Variants in IL6ST observed in about 807,000 individuals in gnomAD.
The protein encoded by IL6ST is interleukin-6 receptor subunit beta.
Under a neutral mutation model 91.3 loss-of-function variants are expected in IL6ST, and 24 were observed. That is an observed-to-expected ratio of 0.26 (90% confidence interval 0.19 to 0.37). The LOEUF is 0.37. IL6ST is among the 10% of genes least tolerant of loss of function. IL6ST has a pLI of 1.00. For missense variants in IL6ST, 914 were observed against 1,078.5 expected (o/e 0.85, Z 2.14); for synonymous variants, 351 against 373.6 (o/e 0.94, Z 0.70).
intron 13 of IL6ST, 46 bp from the exon 14 acceptor site, chr5:55,951,650 T>C: frequency 6.4e-7 from 1 of 1,569,268 alleles, no homozygotes; most frequent in Non-Finnish European, 8.6e-7. Context: ...TCAATGCTTT[T>C]GCTTATTTGG....
intron 1 of IL6ST, among the ~76,000 whole-genome samples, chr5:55,984,330 A>C (rs73122421): frequency 0.034 from 5,108 of 152,258 alleles, 295 homozygotes; most frequent in African/African-American, 0.12. Context: ...TGTTCCCCCC[A>C]AAAAATATGT....
chr5:55,942,784 C>T, intron 15 of IL6ST, 33 bp from the exon 16 acceptor site: 1 of 1,166,432 alleles, frequency 8.6e-7, no homozygotes, highest in Non-Finnish European at 1.3e-6. Flanking sequence ...CTATGTAAAA[C>T]CACACATAAT....
intron 1 of IL6ST, among the ~76,000 whole-genome samples, chr5:55,986,999 C>T (rs1234496522): frequency 1.3e-5 from 2 of 152,140 alleles, no homozygotes; most frequent in Non-Finnish European, 2.9e-5. Context: ...ACTCTCGCCT[C>T]TACAAAAAAT....
chr5:55,939,493 G>A lies in IL6ST; in HGVS notation c.*1589C>T, dbSNP rs1045024394. 8.8e-5 allele frequency: 18 copies of A among 205,138 alleles called. 1 individual carries two copies. Among genetic ancestry groups the A allele is most frequent in the Non-Finnish European group, 1.6e-4 (16 of 100,338 alleles). 12.7% of individuals were successfully genotyped at this position (205,138 alleles called of 1,614,324 possible). A position where few individuals can be genotyped will look rare whatever the true frequency, so the allele number is the denominator to read the frequency against. On this transcript the variant is annotated 3_prime_UTR_variant, in exon 17 of 17. Coordinates refer to ENST00000381298, the MANE Select transcript of IL6ST (RefSeq NM_002184.4). ...TAAAAAGTGTAATTATATTTCCATT[G>A]TAAATGTATACCAAGTTTTCTTAGC... is the stretch of plus-strand genomic sequence containing the variant.
At chr5:55,974,549 A>G (rs1314961196) in intron 3 of IL6ST, among the ~76,000 whole-genome samples, 1 of 152,046 alleles carries the variant, frequency 6.6e-6, no homozygotes, top group Non-Finnish European at 1.5e-5. Context: ...CAGTGGTGCA[A>G]TCTTGGCTCA....
chr5:55,943,369 T>A (rs1035501676), intron 15 of IL6ST, among the ~76,000 whole-genome samples: 5 of 152,166 alleles, frequency 3.3e-5, no homozygotes, highest in African/African-American at 1.2e-4. Context: ...TTAAAAACCT[T>A]CCCACAAAAC....
chr5:55,988,519 C>T (rs967342575), intron 1 of IL6ST, among the ~76,000 whole-genome samples: 1 of 151,888 alleles, frequency 6.6e-6, no homozygotes, highest in Non-Finnish European at 1.5e-5. Context: ...ATAATCCCAG[C>T]ACTTTGGGAG....
chr5:55,960,585 C>T (rs752213423), intron 7 of IL6ST, 24 bp from the exon 8 acceptor site: 4 of 1,593,338 alleles, frequency 2.5e-6, no homozygotes, highest in African/African-American at 2.7e-5. Context: ...AACCAAACAA[C>T]AGAAAACCTC....
rs935977469 is a variant in IL6ST at position 55,940,616 on chromosome 5, T to TAA, written c.*464_*465dup. ...TAGTTATGGCCTATGGACCTCTTTT[T>TAA]AAGTTATTTTAGCAGAAGTAGATGA... On this transcript the variant is annotated 3_prime_UTR_variant, in exon 17 of 17. Transcript: ENST00000381298. 1 of 217,008 alleles carries TAA rather than the reference T, an allele frequency of 4.6e-6. No homozygotes were observed. The highest frequency in any genetic ancestry group is 2.3e-5 in the African/African-American group (1 of 44,284). The allele number at this position is 217,008 out of a possible 1,614,324, so 13.4% of individuals were successfully genotyped here. A position where few individuals can be genotyped will look rare whatever the true frequency, so the allele number is the denominator to read the frequency against.
chr5:55,987,372 G>A (rs907927628), intron 1 of IL6ST, among the ~76,000 whole-genome samples: 5 of 152,204 alleles, frequency 3.3e-5, no homozygotes, highest in Non-Finnish European at 7.3e-5. Flanking sequence ...AGTTCAAAAT[G>A]AGAAAAGATA....
chr5:55,943,494 G>C (rs924312771), intron 15 of IL6ST, among the ~76,000 whole-genome samples: 1 of 152,082 alleles, frequency 6.6e-6, no homozygotes, highest in Non-Finnish European at 1.5e-5. Flanking sequence ...TTTAAAACCA[G>C]ACAGATAAGG....
intron 15 of IL6ST, among the ~76,000 whole-genome samples, chr5:55,945,392 A>G (rs1285967183): frequency 6.6e-6 from 1 of 152,164 alleles, no homozygotes; most frequent in Non-Finnish European, 1.5e-5. Context: ...AAGCAATTCA[A>G]TGGGGAAAAG....
rs1434066361 is a variant in IL6ST at position 55,935,104 on chromosome 5, T to C, written c.*5978A>G. 1 of 174,938 alleles carries C rather than the reference T, an allele frequency of 5.7e-6. No individual in the cohort carries two copies. The allele number at this position is 174,938 out of a possible 1,614,324, so 10.8% of individuals were successfully genotyped here. A position where few individuals can be genotyped will look rare whatever the true frequency, so the allele number is the denominator to read the frequency against. ...ATACTTTACCTGAGGGTTTTGGTTTTTTTTTGGCTTTTATTTTTGTGTGTG... is the reference window on the plus strand; with the variant it reads ...ATACTTTACCTGAGGGTTTTGGTTTCTTTTTGGCTTTTATTTTTGTGTGTG... On this transcript the variant is annotated 3_prime_UTR_variant, in exon 17 of 17. Transcript: ENST00000381298.
Position 55,954,731 on chromosome 5 carries a change from A to G in IL6ST, c.1450+79T>C, listed in dbSNP as rs1458577330. 3.5e-6 allele frequency: 4 copies of G among 1,127,582 alleles called. No individual in the cohort carries two copies. The East Asian group carries it at 9.7e-5, about 27-fold the overall frequency. 69.8% of individuals were successfully genotyped at this position (1,127,582 alleles called of 1,614,324 possible). The stretch of plus-strand genomic sequence containing the variant: ...AATTGGAAGTCGTTTCAACGGACCA[A>G]AACACTATAAGCAAAAGAAAAAGCT... On this transcript the variant is annotated intron_variant, in intron 11 of 16. Coordinates refer to ENST00000381298, the MANE Select transcript of IL6ST (RefSeq NM_002184.4).
At chr5:55,971,468 C>T (rs1383099171) in intron 3 of IL6ST, among the ~76,000 whole-genome samples, 1 of 152,214 alleles carries the variant, frequency 6.6e-6, no homozygotes, top group Non-Finnish European at 1.5e-5. Flanking sequence ...TGGCTACCTA[C>T]TACCAAGATA....
In IL6ST at chr5:55,956,012, C is replaced by A. The variant is rs765080086; in HGVS notation, c.1267+13G>T. On this transcript the variant is annotated intron_variant, in intron 10 of 16. Coordinates refer to ENST00000381298, the MANE Select transcript of IL6ST (RefSeq NM_002184.4). ...TCCACCCAAGAGTCAGGCTCCATCT[C>A]ACAGATACAAACCTTGAAAGTCACA... 6.3e-7 allele frequency: 1 copy of A among 1,593,982 alleles called. No individual in the cohort carries two copies. Among genetic ancestry groups the A allele is most frequent in the South Asian group, 1.1e-5 (1 of 90,638 alleles).
chr5:55,963,617 C>A, intron 6 of IL6ST, 111 bp from the exon 7 acceptor site: 1 of 784,072 alleles, frequency 1.3e-6, no homozygotes, highest in Non-Finnish European at 2.0e-6. Context: ...TTATCCTTAC[C>A]AAATGAACTA....
At chr5:55,972,152 TA>T in intron 3 of IL6ST, among the ~76,000 whole-genome samples, 1 of 152,170 alleles carries the variant, frequency 6.6e-6, no homozygotes, top group East Asian at 1.9e-4. Context: ...TCTAGAGTTC[TA>T]AAAAGATATA....
rs1752105146 is a variant in IL6ST, at chr5:55,958,275, G to A, written c.974-984C>T. Among the ~76,000 whole-genome samples, 3 of 151,984 alleles carry A rather than the reference G, an allele frequency of 2.0e-5. No individual in the cohort carries two copies. The South Asian group carries it at 6.2e-4, about 32-fold the overall frequency. ...ACCATACCCAGCCAAAACATAAATT[G>A]TTAAATACCAGTAATTAAATTCGGT... On this transcript the variant is annotated intron_variant, in intron 8 of 16. Coordinates refer to ENST00000381298, the MANE Select transcript of IL6ST (RefSeq NM_002184.4).
Sources: allele counts gnomAD v4.1 joint callset (sites outside exome capture counted in the v4.1 genomes callset), GRCh38; gene constraint gnomAD v4.1.1; transcripts MANE v1.5; gene names NCBI Gene and HGNC (gene_info 2026-07-23, HGNC 2026-07-21).